ROR2: variants seen among roughly 807,000 people sequenced by gnomAD.
ROR2 encodes ROR family WNT receptor 2.
In ROR2, 33 loss-of-function variants were observed where a neutral mutation model predicts 74.9. The observed-to-expected ratio is 0.44, with a 90% CI of 0.33 to 0.59. ROR2 has a LOEUF of 0.59. ROR2 is among the 20% of genes least tolerant of loss of function. The pLI is 0.02. For synonymous variants in ROR2, 586 were observed against 558.7 expected (o/e 1.05, Z -0.69); for missense variants, 1,216 against 1,313.8 (o/e 0.93, Z 1.15).
In ROR2 at chr9:91,726,586, C is replaced by T. The variant is rs1039975547; in HGVS notation, c.1341G>A (p.Ser447=). 7 of 1,613,238 alleles carry T rather than the reference C, an allele frequency of 4.3e-6. No homozygotes were observed. Among genetic ancestry groups the T allele is most frequent in the East Asian group, 2.2e-5 (1 of 44,878 alleles). Residue 447 remains serine, a synonymous_variant, in exon 8 of 9, where the codon TCG becomes TCA. Transcript: ENST00000375708. The part of the protein sequence containing the change: ...STPQRRQLMA[S]PSQDMEMPLI... ...GGGGCATTTCCATGTCTTGGCTGGG[C>T]GAGGCCATCAGCTGTCGCCGCTGCG...
intron 1 of ROR2, among the ~76,000 whole-genome samples, chr9:91,925,470 G>C (rs1471909128): frequency 7.9e-6 from 1 of 125,988 alleles, no homozygotes; most frequent in Non-Finnish European, 1.6e-5. Flanking sequence ...GCCTGTATGT[G>C]TGTGTGTGTG....
chr9:91,755,982 CAT>C, intron 4 of ROR2, 87 bp downstream of exon 4: 1 of 1,428,126 alleles, frequency 7.0e-7, no homozygotes, highest in South Asian at 1.1e-5. Flanking sequence ...TCGGCAAAGA[CAT>C]GAGCTGGCAG....
chr9:91,727,106 G>C (rs1221458875), intron 7 of ROR2, among the ~76,000 whole-genome samples: 1 of 152,144 alleles, frequency 6.6e-6, no homozygotes, highest in Non-Finnish European at 1.5e-5. Flanking sequence ...CTTTTATCAA[G>C]GTCTCCCCAG....
At position 91,723,368 on chromosome 9, in the gene ROR2, A is replaced by T. The variant is rs902387510; in HGVS notation, c.*294T>A. 7.1e-6 allele frequency: 3 copies of T among 422,044 alleles called. No individual in the cohort carries two copies. In the South Asian group the frequency reaches 1.3e-4, roughly 18 times the overall value. 26.1% of individuals were successfully genotyped at this position (422,044 alleles called of 1,614,324 possible). On this transcript the variant is annotated 3_prime_UTR_variant, in exon 9 of 9. Transcript: ENST00000375708. ...TTTTCTTGAAAGGCATTTGCTGCTC[A>T]CTACCAGTCTACCACCAGAATCAAT... is the stretch of plus-strand genomic sequence containing the variant.
intron 1 of ROR2, 39 bp downstream of exon 1, chr9:91,949,828 A>G (rs1832123207): frequency 7.8e-7 from 1 of 1,279,496 alleles, no homozygotes; most frequent in Non-Finnish European, 1.1e-6. Flanking sequence ...GCGAGCCGTG[A>G]GCTACCGTCT....
chr9:91,891,790 G>A lies in ROR2; in HGVS notation c.97+58077C>T, dbSNP rs538419496. Among the ~76,000 whole-genome samples the A allele has an allele frequency of 1.1e-4, 17 of 151,992 alleles. No homozygotes were observed. In the South Asian group the frequency reaches 3.3e-3, roughly 30 times the overall value. ...GGGCTGGGCATGGTGGCTCACACCC[G>A]TAATCCCAGCACTTTAGGAGGCCAA... On this transcript the variant is annotated intron_variant, in intron 1 of 8. Coordinates refer to ENST00000375708, the MANE Select transcript of ROR2 (RefSeq NM_004560.4).
At chr9:91,929,168 C>T (rs548485092) in intron 1 of ROR2, among the ~76,000 whole-genome samples, 4 of 152,294 alleles carry the variant, frequency 2.6e-5, no homozygotes, top group South Asian at 4.1e-4. Context: ...AATAAAAGAG[C>T]GCTATGATCA....
chr9:91,946,823 C>G (rs926242484), intron 1 of ROR2, among the ~76,000 whole-genome samples: 1 of 152,200 alleles, frequency 6.6e-6, no homozygotes, highest in Admixed American at 6.5e-5. Flanking sequence ...AGTCCACCAG[C>G]TGAAACCTTT....
chr9:91,755,932 T>C (rs1376144079), intron 4 of ROR2, 139 bp downstream of exon 4: 4 of 831,858 alleles, frequency 4.8e-6, no homozygotes. Flanking sequence ...AGCAAGCACG[T>C]GGCCACCCCT....
chr9:91,922,247 CA>C (rs892660460), intron 1 of ROR2, among the ~76,000 whole-genome samples: 46 of 142,106 alleles, frequency 3.2e-4, no homozygotes, highest in Non-Finnish European at 4.3e-4. Flanking sequence ...GGCAGTTCCC[CA>C]AAAAAAAAAA....
At chr9:91,883,603 T>C (rs1830182872) in intron 1 of ROR2, among the ~76,000 whole-genome samples, 2 of 152,168 alleles carry the variant, frequency 1.3e-5, no homozygotes, top group African/African-American at 4.8e-5. Context: ...ACATGACAAA[T>C]ATAGAACATT....
At chr9:91,796,852 T>C (rs1459673832) in intron 1 of ROR2, among the ~76,000 whole-genome samples, 12 of 95,766 alleles carry the variant, frequency 1.3e-4, no homozygotes, top group South Asian at 3.8e-4. Flanking sequence ...GCTCTGTGGG[T>C]GGGGCTGACA....
chr9:91,893,556 C>G (rs1352754658), intron 1 of ROR2, among the ~76,000 whole-genome samples: 1 of 152,218 alleles, frequency 6.6e-6, no homozygotes, highest in Non-Finnish European at 1.5e-5. Context: ...CAACCCCTGC[C>G]TATTCTTCCC....
rs571401788 is a variant in ROR2, at chr9:91,831,274, A to AC, written c.98-55457_98-55456insG. 2.8e-3 allele frequency among the ~76,000 whole-genome samples: 426 copies of AC among 151,974 alleles called. 4 individuals carry two copies. Among genetic ancestry groups the AC allele is most frequent in the African/African-American group, 9.2e-3 (380 of 41,348 alleles). ...CGAAACTCCATCTCAAAAAAACAAA[A>AC]AAAAAAAATTGTATTAATACTTTTG... is the stretch of plus-strand genomic sequence containing the variant. On this transcript the variant is annotated intron_variant, in intron 1 of 8. Coordinates refer to ENST00000375708, the MANE Select transcript of ROR2 (RefSeq NM_004560.4).
intron 5 of ROR2, among the ~76,000 whole-genome samples, chr9:91,734,993 T>C (rs184962580): frequency 6.6e-6 from 1 of 152,028 alleles, no homozygotes; most frequent in Non-Finnish European, 1.5e-5. Flanking sequence ...CATTACAGAT[T>C]TGGGATTATA....
chr9:91,941,174 T>A (rs1831853021), intron 1 of ROR2, among the ~76,000 whole-genome samples: 1 of 151,638 alleles, frequency 6.6e-6, no homozygotes, highest in South Asian at 2.1e-4. Flanking sequence ...ATTTTTTGTA[T>A]TTTTAGTAGA....
chr9:91,737,343 G>A, intron 5 of ROR2, 48 bp downstream of exon 5: 1 of 1,613,012 alleles, frequency 6.2e-7, no homozygotes, highest in East Asian at 2.2e-5. Context: ...TGCGACAGAT[G>A]GCTGTGTGCA....
intron 1 of ROR2, among the ~76,000 whole-genome samples, chr9:91,911,130 AC>A (rs1265689639): frequency 2.0e-5 from 3 of 152,088 alleles, no homozygotes; most frequent in Non-Finnish European, 4.4e-5. Flanking sequence ...TCTGCACACT[AC>A]CCCACCACCT....
At chr9:91,876,783 T>C (rs554093850) in intron 1 of ROR2, among the ~76,000 whole-genome samples, 48 of 152,016 alleles carry the variant, frequency 3.2e-4, no homozygotes, top group African/African-American at 8.9e-4. Context: ...AACTGTAGGA[T>C]TGAAAGATAA....
Sources: allele counts gnomAD v4.1 joint callset (sites outside exome capture counted in the v4.1 genomes callset), GRCh38; gene constraint gnomAD v4.1.1; transcripts MANE v1.5; gene names NCBI Gene and HGNC (gene_info 2026-07-23, HGNC 2026-07-21).